The following CSMD1 variants were observed in gnomAD, a reference collection of about 807,000 sequenced individuals.
CSMD1 encodes CUB and sushi domain-containing protein 1.
In CSMD1, 213 loss-of-function variants were observed where a neutral mutation model predicts 417.5. The observed-to-expected ratio is 0.51, with a 90% CI of 0.46 to 0.57. The LOEUF (loss-of-function observed/expected upper bound fraction) is 0.57, where lower values mean the gene tolerates loss of function less well. Among genes scored for constraint, CSMD1 ranks in the 20% least tolerant of loss-of-function variants. The probability of loss-of-function intolerance (pLI) is 0.00; values close to 1 mark genes in which losing one functional copy is unlikely to be tolerated. For synonymous variants in CSMD1, 2,862 were observed against 1,736.8 expected, an observed-to-expected ratio of 1.65 and a Z score of -16.11; for missense variants, 6,923 against 4,529.7, an observed-to-expected ratio of 1.53 and a Z score of -15.17.
intron 1 of CSMD1, among the ~76,000 whole-genome samples, chr8:4,716,912 T>C (rs1375120762): frequency 6.6e-6 from 1 of 152,122 alleles, no homozygotes; most frequent in African/African-American, 2.4e-5. Context: ...AAATCATATC[T>C]AGACTTTAAC....
At chr8:4,486,163 A>G (rs1256711406) in intron 2 of CSMD1, among the ~76,000 whole-genome samples, 1 of 17,962 alleles carries the variant, frequency 5.6e-5, no homozygotes, top group Admixed American at 4.6e-4. Flanking sequence ...ATATACATAC[A>G]TATATATATA....
intron 33 of CSMD1, among the ~76,000 whole-genome samples, chr8:3,195,191 A>T (rs1263467048): frequency 3.3e-5 from 5 of 152,230 alleles, no homozygotes; most frequent in East Asian, 1.9e-4. Flanking sequence ...TGGATGAGGT[A>T]CTCTCCAACA....
At chr8:3,803,168 A>G (rs973014381) in intron 5 of CSMD1, among the ~76,000 whole-genome samples, 1 of 152,146 alleles carries the variant, frequency 6.6e-6, no homozygotes, top group African/African-American at 2.4e-5. Flanking sequence ...TCATGCTGAA[A>G]GCAATATAAA....
chr8:4,707,549 G>A (rs74511823), intron 1 of CSMD1, among the ~76,000 whole-genome samples: 1 of 152,212 alleles, frequency 6.6e-6, no homozygotes, highest in South Asian at 2.1e-4. Flanking sequence ...TTGTAGAACA[G>A]ATGCTAACTA....
rs575224591 is a variant in CSMD1, at chr8:4,438,050, G to A, written c.303-17985C>T. ...GAATACTTCCAAGCCTCTTAGCTATGAAGGAACAGCCAATATTCACACTCA... is the reference window on the plus strand; with the variant it reads ...GAATACTTCCAAGCCTCTTAGCTATAAAGGAACAGCCAATATTCACACTCA... On this transcript the variant is annotated intron_variant, in intron 2 of 69. Transcript: ENST00000635120. Among the ~76,000 whole-genome samples the A allele has an allele frequency of 8.8e-4, 134 of 152,284 alleles. 1 individual carries two copies. The South Asian group carries it at 0.025, about 28-fold the overall frequency.
In CSMD1 at chr8:3,161,473, C is replaced by T. The variant is rs147504967; in HGVS notation, c.5844+686G>A. On this transcript the variant is annotated intron_variant, in intron 38 of 69. Transcript: ENST00000635120. ...CTCTACTAAAAATACAAAAAGTAGC[C>T]GGGTGTGGTGGCAGGTGCCTGTAAT... Among the ~76,000 whole-genome samples the T allele has an allele frequency of 1.9e-4, 29 of 151,702 alleles. No homozygotes were observed. In the East Asian group the frequency reaches 4.1e-3, roughly 21 times the overall value.
intron 12 of CSMD1, among the ~76,000 whole-genome samples, chr8:3,418,107 T>G (rs141763635): frequency 3.9e-4 from 60 of 152,340 alleles, no homozygotes; most frequent in African/African-American, 1.4e-3. Flanking sequence ...ATGTTTGCTT[T>G]TCATACAAAT....
At chr8:4,638,195 C>T (rs1442626164) in intron 1 of CSMD1, among the ~76,000 whole-genome samples, 1 of 152,112 alleles carries the variant, frequency 6.6e-6, no homozygotes, top group Non-Finnish European at 1.5e-5. Context: ...GTGCTATCTA[C>T]ATAGTATCAT....
intron 22 of CSMD1, among the ~76,000 whole-genome samples, chr8:3,346,905 C>T (rs555840997): frequency 1.3e-3 from 199 of 152,310 alleles, no homozygotes; most frequent in African/African-American, 4.5e-3. Flanking sequence ...TCCTTTCTTG[C>T]CAGAAACCAG....
Position 3,558,632 on chromosome 8 carries a change from T to G in CSMD1, c.1344+16313A>C, listed in dbSNP as rs539643898. On this transcript the variant is annotated intron_variant, in intron 10 of 69. Transcript: ENST00000635120. Reference sequence around the variant, plus strand: ...CACTCCTCCAATGATGAATAGTGCCTCAATAGTACCCCGTGTCCACTCCTC... The same window carrying G: ...CACTCCTCCAATGATGAATAGTGCCGCAATAGTACCCCGTGTCCACTCCTC... Among the ~76,000 whole-genome samples, 17 of 150,368 alleles carry G rather than the reference T, an allele frequency of 1.1e-4. No individual in the cohort carries two copies. The East Asian group carries it at 3.1e-3, about 28-fold the overall frequency.
rs571324478 is a variant in CSMD1, at chr8:3,257,799, C to T, written c.4153+26345G>A. On this transcript the variant is annotated intron_variant, in intron 26 of 69. Transcript: ENST00000635120. ...GAGGCTTCCAAGGGAGGTGTGAGGGCGATCGGTGGGTGGGGTGAGGGGAGA... is the reference window on the plus strand; with the variant it reads ...GAGGCTTCCAAGGGAGGTGTGAGGGTGATCGGTGGGTGGGGTGAGGGGAGA... Among the ~76,000 whole-genome samples the T allele has an allele frequency of 8.6e-5, 13 of 151,812 alleles. No homozygotes were observed. In the South Asian group the frequency reaches 1.0e-3, roughly 12 times the overall value.
At chr8:4,496,098 C>G (rs541812727) in intron 2 of CSMD1, among the ~76,000 whole-genome samples, 2 of 152,254 alleles carry the variant, frequency 1.3e-5, no homozygotes, top group South Asian at 4.1e-4. Flanking sequence ...TTTTGGCATA[C>G]ATGAGCTAAG....
intron 37 of CSMD1, among the ~76,000 whole-genome samples, chr8:3,166,782 G>A (rs1820247729): frequency 6.6e-6 from 1 of 152,022 alleles, no homozygotes; most frequent in South Asian, 2.1e-4. Context: ...TCTTAAGGCA[G>A]ACTAAAAAGA....
intron 1 of CSMD1, among the ~76,000 whole-genome samples, chr8:4,663,660 G>C (rs925327643): frequency 6.6e-6 from 1 of 152,100 alleles, no homozygotes; most frequent in African/African-American, 2.4e-5. Flanking sequence ...TAAGTTCCCT[G>C]AGACCTCCCC....
chr8:4,073,188 A>G (rs997428778), intron 3 of CSMD1, among the ~76,000 whole-genome samples: 5 of 152,180 alleles, frequency 3.3e-5, no homozygotes, highest in African/African-American at 1.2e-4. Context: ...AAGCACTTCA[A>G]AGAACGCTCA....
chr8:3,543,395 T>C (rs961045166), intron 10 of CSMD1, among the ~76,000 whole-genome samples: 6 of 152,262 alleles, frequency 3.9e-5, no homozygotes, highest in African/African-American at 1.4e-4. Flanking sequence ...CTCGTTTCTG[T>C]GTTGAGAACA....
intron 2 of CSMD1, among the ~76,000 whole-genome samples, chr8:4,447,672 C>G (rs1004075038): frequency 6.6e-6 from 1 of 152,170 alleles, no homozygotes; most frequent in Non-Finnish European, 1.5e-5. Flanking sequence ...TTTCCACACT[C>G]TCCTGTGACC....
intron 37 of CSMD1, among the ~76,000 whole-genome samples, chr8:3,173,251 A>G (rs1474506013): frequency 6.6e-6 from 1 of 152,198 alleles, no homozygotes; most frequent in African/African-American, 2.4e-5. Flanking sequence ...CAACACACAA[A>G]TAAATATTGA....
At chr8:4,137,275 A>G (rs1231428112) in intron 3 of CSMD1, among the ~76,000 whole-genome samples, 1 of 152,236 alleles carries the variant, frequency 6.6e-6, no homozygotes, top group African/African-American at 2.4e-5. Flanking sequence ...ATAAAGAAAC[A>G]TGGTCTAATT....
Sources: gnomAD v4.1 joint callset for allele counts (sites outside exome capture counted in the v4.1 genomes callset) on GRCh38, gnomAD v4.1.1 for gene constraint, MANE v1.5 for transcripts, NCBI Gene and HGNC (gene_info 2026-07-23, HGNC 2026-07-21) for gene names.